HDAC9: variants seen among roughly 807,000 people sequenced by gnomAD.
The protein encoded by HDAC9 is histone deacetylase 9, also known as MEF-2 interacting transcription repressor (MITR) protein.
In HDAC9, 41 loss-of-function variants were observed where a neutral mutation model predicts 139.4. The observed-to-expected ratio is 0.29, with a 90% CI of 0.23 to 0.38. HDAC9 has a LOEUF of 0.38. Ranked by LOEUF, HDAC9 falls within the 10% of genes least tolerant of loss-of-function variation. The pLI, the probability that HDAC9 is intolerant of heterozygous loss-of-function variation, is 1.00. For missense variants in HDAC9, 1,147 were observed against 1,297.0 expected (o/e 0.88, Z 1.78); for synonymous variants, 517 against 476.2 (o/e 1.09, Z -1.12).
At chr7:18,823,556 G>T (rs1396487649) in intron 17 of HDAC9, among the ~76,000 whole-genome samples, 1 of 152,126 alleles carries the variant, frequency 6.6e-6, no homozygotes, top group Non-Finnish European at 1.5e-5. Flanking sequence ...GTATGTCTGT[G>T]CCTCCCCAAA....
chr7:18,941,840 T>C (rs1782050667), intron 23 of HDAC9, among the ~76,000 whole-genome samples: 1 of 152,130 alleles, frequency 6.6e-6, no homozygotes, highest in African/African-American at 2.4e-5. Context: ...ATTTCTTATA[T>C]TCAACAAGGC....
chr7:18,883,963 C>T (rs1285962526), intron 22 of HDAC9, among the ~76,000 whole-genome samples: 3 of 151,904 alleles, frequency 2.0e-5, no homozygotes, highest in South Asian at 2.1e-4. Flanking sequence ...GGAAAAAATG[C>T]AAAAACCTTA....
At chr7:18,609,378 A>G (rs908065527) in intron 6 of HDAC9, among the ~76,000 whole-genome samples, 7 of 152,172 alleles carry the variant, frequency 4.6e-5, no homozygotes, top group Admixed American at 3.3e-4. Flanking sequence ...ATCTAAGTTT[A>G]AAAAGCCACC....
At chr7:18,977,975 G>C (rs963493157) in intron 25 of HDAC9, among the ~76,000 whole-genome samples, 1 of 150,574 alleles carries the variant, frequency 6.6e-6, no homozygotes. Context: ...GAGAGAGAGA[G>C]AATGCTCTGA....
At chr7:18,598,034 A>T (rs1832944898) in intron 6 of HDAC9, among the ~76,000 whole-genome samples, 1 of 152,218 alleles carries the variant, frequency 6.6e-6, no homozygotes. Context: ...GCCTTTTGGT[A>T]TAGCAGTCAG....
Position 18,917,346 on chromosome 7 carries a change from T to C in HDAC9, c.2804-18463T>C, listed in dbSNP as rs567854715. Among the ~76,000 whole-genome samples the C allele has an allele frequency of 5.9e-5, 9 of 152,066 alleles. No homozygotes were observed. The East Asian group carries it at 1.6e-3, about 26-fold the overall frequency. On this transcript the variant is annotated intron_variant, in intron 22 of 25. Coordinates refer to ENST00000686413, the MANE Select transcript of HDAC9 (RefSeq NM_178425.4). ...AAACTGGGATTTTTTTTTCAGTAAA[T>C]ACTACTGTGTTTATTTATTGGTTGA... is the stretch of plus-strand genomic sequence containing the variant.
At chr7:18,948,854 A>G (rs185041075) in intron 23 of HDAC9, 96 of 190,972 alleles carry the variant, frequency 5.0e-4, no homozygotes, top group African/African-American at 2.1e-3. Context: ...TGATAGAGAA[A>G]TGAAATAAGA....
At chr7:18,771,025 C>T (rs1208685834) in intron 16 of HDAC9, among the ~76,000 whole-genome samples, 2 of 152,070 alleles carry the variant, frequency 1.3e-5, no homozygotes, top group Non-Finnish European at 2.9e-5. Flanking sequence ...GAAAAATAAA[C>T]GTGGTCAATG....
intron 1 of HDAC9, among the ~76,000 whole-genome samples, chr7:18,367,456 C>T (rs538228540): frequency 6.6e-6 from 1 of 152,202 alleles, no homozygotes; most frequent in African/African-American, 2.4e-5. Context: ...TAGGTATGCA[C>T]ACCTTTTGCT....
At chr7:18,387,309 A>G (rs985029510) in intron 1 of HDAC9, among the ~76,000 whole-genome samples, 4 of 152,100 alleles carry the variant, frequency 2.6e-5, no homozygotes, top group Non-Finnish European at 4.4e-5. Flanking sequence ...CCCAGTGAGG[A>G]GTTTTGCATA....
chr7:18,299,478 G>T (rs749999979), intron 1 of HDAC9, among the ~76,000 whole-genome samples: 1 of 152,046 alleles, frequency 6.6e-6, no homozygotes, highest in Non-Finnish European at 1.5e-5. Flanking sequence ...CTTTACTGGC[G>T]AGGGTACTTT....
chr7:18,862,286 A>G (rs1798168026), intron 21 of HDAC9, among the ~76,000 whole-genome samples: 1 of 152,178 alleles, frequency 6.6e-6, no homozygotes. Context: ...TGAAGGGGGA[A>G]AAAAGTGTCC....
chr7:18,561,093 C>G (rs1337570637), intron 2 of HDAC9, among the ~76,000 whole-genome samples: 1 of 152,182 alleles, frequency 6.6e-6, no homozygotes, highest in Non-Finnish European at 1.5e-5. Context: ...ATTTTTCTCT[C>G]ACTTTCAAGT....
At chr7:18,880,978 A>G (rs918094005) in intron 22 of HDAC9, among the ~76,000 whole-genome samples, 1 of 151,954 alleles carries the variant, frequency 6.6e-6, no homozygotes, top group Admixed American at 6.6e-5. Flanking sequence ...ATGAGAAAGC[A>G]TAATTTGGGG....
rs77999735 is a variant in HDAC9, at chr7:18,857,651, T to C, written c.2685-16827T>C. Among the ~76,000 whole-genome samples, 4 of 152,254 alleles carry C rather than the reference T, an allele frequency of 2.6e-5. No individual in the cohort carries two copies. In the East Asian group the frequency reaches 7.7e-4, roughly 29 times the overall value. ...TTTGTTTACAGAGTTGCTTCATCCA[T>C]GCCATCTGAACTTGTTAAGTATAGG... On this transcript the variant is annotated intron_variant, in intron 21 of 25. Transcript: ENST00000686413.
intron 22 of HDAC9, among the ~76,000 whole-genome samples, chr7:18,931,612 G>GA (rs1421657241): frequency 2.0e-5 from 3 of 152,082 alleles, no homozygotes; most frequent in African/African-American, 7.2e-5. Context: ...GACCAGAAGG[G>GA]AAAATCTAGG....
chr7:18,307,706 G>A (rs1226956679), intron 1 of HDAC9, among the ~76,000 whole-genome samples: 2 of 152,110 alleles, frequency 1.3e-5, no homozygotes, highest in Non-Finnish European at 2.9e-5. Context: ...GGGAGGCTGA[G>A]ACAGGAGAAT....
At chr7:18,895,125 T>C (rs192593375) in intron 22 of HDAC9, among the ~76,000 whole-genome samples, 3 of 152,224 alleles carry the variant, frequency 2.0e-5, no homozygotes, top group East Asian at 3.9e-4. Context: ...GAACAACTTA[T>C]GAGCCCATGT....
At chr7:18,470,833 T>G (rs1794669216) in intron 1 of HDAC9, among the ~76,000 whole-genome samples, 1 of 152,130 alleles carries the variant, frequency 6.6e-6, no homozygotes, top group Admixed American at 6.6e-5. Context: ...TTCAGAGAGA[T>G]AAGCCTTTGG....
Sources: gnomAD v4.1 joint callset for allele counts (sites outside exome capture counted in the v4.1 genomes callset) on GRCh38, gnomAD v4.1.1 for gene constraint, MANE v1.5 for transcripts, NCBI Gene and HGNC (gene_info 2026-07-23, HGNC 2026-07-21) for gene names.